The following DZIP1 variants were observed in gnomAD, a reference collection of about 807,000 sequenced individuals.
DZIP1 encodes cilium assembly protein DZIP1.
In DZIP1, 97 loss-of-function variants were observed where a neutral mutation model predicts 107.6. The ratio of observed to expected loss-of-function variants is 0.90; its 90% CI spans 0.77 to 1.07. The LOEUF is 1.07. DZIP1 is among the 50% of genes least tolerant of loss of function. The probability of loss-of-function intolerance (pLI) is 0.00; values close to 1 mark genes in which losing one functional copy is unlikely to be tolerated. For synonymous variants in DZIP1, 390 were observed against 386.4 expected (o/e 1.01, Z -0.11); for missense variants, 1,035 against 1,063.6 (o/e 0.97, Z 0.37).
chr13:95,602,070 C>T (rs960595179), intron 14 of DZIP1, among the ~76,000 whole-genome samples: 3 of 152,124 alleles, frequency 2.0e-5, no homozygotes, highest in African/African-American at 7.2e-5. Flanking sequence ...GCACACCCAG[C>T]CTCAGGAACA....
chr13:95,589,957 T>A, intron 17 of DZIP1, 25 bp from the exon 18 acceptor site: 2 of 1,610,188 alleles, frequency 1.2e-6, no homozygotes, highest in Non-Finnish European at 1.7e-6. Flanking sequence ...CATTCATGAG[T>A]CTCCATTACC....
chr13:95,609,274 T>G (rs1054062190), intron 13 of DZIP1, among the ~76,000 whole-genome samples, 183 bp downstream of exon 13: 1 of 152,378 alleles, frequency 6.6e-6, no homozygotes, highest in South Asian at 2.1e-4. Context: ...CAACATCATG[T>G]GGATATTTGT....
intron 13 of DZIP1, 84 bp downstream of exon 13, chr13:95,609,373 T>C: frequency 1.1e-6 from 1 of 903,378 alleles, no homozygotes; most frequent in Non-Finnish European, 1.6e-6. Flanking sequence ...AAGAAAAGCC[T>C]CTAAAAATAG....
intron 9 of DZIP1, among the ~76,000 whole-genome samples, chr13:95,621,626 GT>G (rs1300294385): frequency 6.6e-6 from 1 of 150,776 alleles, no homozygotes; most frequent in Non-Finnish European, 1.5e-5. Context: ...AAGTGATTAT[GT>G]TTGATAAATG....
chr13:95,633,282 G>T lies in DZIP1; in HGVS notation c.637C>A (p.Leu213Ile), dbSNP rs767550276. The T allele has an allele frequency of 6.2e-7, 1 of 1,614,180 alleles. No individual in the cohort carries two copies. The highest frequency in any genetic ancestry group is 2.2e-5 in the East Asian group (1 of 44,888). ...TGGCGGCGTTGAATGTGACTTTGTA[G>T]AAAAGCTTGGTTCATAAAGGCCTTG... is the stretch of plus-strand genomic sequence containing the variant. ...CDKAFMNQAF[L>I]QSHIQRRHTE... The change falls in exon 6 of 23, where the codon CTA becomes ATA. Residue 213 changes from leucine (L) to isoleucine (I), a missense_variant. Leu to Ile is a conservative substitution (Grantham distance 5, BLOSUM62 2). Coordinates refer to ENST00000376829, the MANE Select transcript of DZIP1 (RefSeq NM_198968.4).
At chr13:95,626,322 A>G (rs1876541677) in intron 7 of DZIP1, among the ~76,000 whole-genome samples, 1 of 152,194 alleles carries the variant, frequency 6.6e-6, no homozygotes. Flanking sequence ...AAGATCAACA[A>G]AACTGACAAA....
chr13:95,612,505 A>C (rs1414293863), intron 10 of DZIP1, among the ~76,000 whole-genome samples: 1 of 152,236 alleles, frequency 6.6e-6, no homozygotes, highest in Non-Finnish European at 1.5e-5. Context: ...TCTGACCCTT[A>C]GTACTAAATT....
Position 95,589,833 on chromosome 13 carries a change from GC to G in DZIP1, c.1942del (p.Ala648LeufsTer70), listed in dbSNP as rs868133012. The part of the protein sequence containing the change: ...SKNRQLIRQK[A>X]VSTDRTSVPK... ...AACAGATGTCCTATCAGTAGAAACA[GC>G]TTTTTGTCTAATCAGTTGTCTGTTT... On this transcript the variant is annotated frameshift_variant, in exon 18 of 23. Coordinates refer to ENST00000376829, the MANE Select transcript of DZIP1 (RefSeq NM_198968.4). LOFTEE classifies it high-confidence loss of function. 2 of 1,613,942 alleles carry G rather than the reference GC, an allele frequency of 1.2e-6. No homozygotes were observed. The highest frequency in any genetic ancestry group is 1.7e-6 in the Non-Finnish European group (2 of 1,180,006).
rs2044007473 is a variant in DZIP1, at chr13:95,581,270, A to G, written c.*964T>C. On this transcript the variant is annotated 3_prime_UTR_variant, in exon 23 of 23. Coordinates refer to ENST00000376829, the MANE Select transcript of DZIP1 (RefSeq NM_198968.4). Reference sequence around the variant, plus strand: ...AGCTTATAAGAACTTTCTTTCGACAATGTCATTGTTTAAGAATGTAACTAA... The same window carrying G: ...AGCTTATAAGAACTTTCTTTCGACAGTGTCATTGTTTAAGAATGTAACTAA... 1 of 152,640 alleles carries G rather than the reference A, an allele frequency of 6.6e-6. No homozygotes were observed. Among genetic ancestry groups the G allele is most frequent in the Admixed American group, 6.5e-5 (1 of 15,284 alleles). The allele number at this position is 152,640 out of a possible 1,614,324, so 9.5% of individuals were successfully genotyped here. A position where few individuals can be genotyped will look rare whatever the true frequency, so the allele number is the denominator to read the frequency against.
intron 10 of DZIP1, among the ~76,000 whole-genome samples, chr13:95,619,672 A>G (rs1387563846): frequency 6.6e-6 from 1 of 152,074 alleles, no homozygotes; most frequent in East Asian, 1.9e-4. Context: ...GAGACCCATT[A>G]AAAAAGTTTC....
intron 18 of DZIP1, 49 bp downstream of exon 18, chr13:95,589,754 G>C (rs372098895): frequency 2.5e-6 from 4 of 1,584,804 alleles, no homozygotes; most frequent in Non-Finnish European, 3.4e-6. Flanking sequence ...AAAGCAGCCT[G>C]AGCTAAGACA....
intron 6 of DZIP1, among the ~76,000 whole-genome samples, chr13:95,632,073 T>C (rs927514590): frequency 3.3e-5 from 5 of 152,214 alleles, no homozygotes; most frequent in African/African-American, 1.2e-4. Context: ...CTAGAGACTA[T>C]TCCTCACTCT....
chr13:95,600,038 A>G (rs2044567056), intron 14 of DZIP1, among the ~76,000 whole-genome samples: 1 of 152,148 alleles, frequency 6.6e-6, no homozygotes, highest in African/African-American at 2.4e-5. Flanking sequence ...ACTCTTCCCA[A>G]TCTCACCCCA....
intron 15 of DZIP1, among the ~76,000 whole-genome samples, chr13:95,598,652 A>AATT (rs951938736): frequency 1.3e-5 from 2 of 152,046 alleles, no homozygotes; most frequent in Non-Finnish European, 2.9e-5. Flanking sequence ...ATATATGGTG[A>AATT]ATTATTATTA....
At position 95,589,941 on chromosome 13, in the gene DZIP1, T is replaced by C. The variant is rs183892078; in HGVS notation, c.1844-9A>G. ...AGAAACACTGCACTGATCTGGAATA[T>C]AGTGTCATTCATGAGTCTCCATTAC... On this transcript the variant is annotated splice_polypyrimidine_tract_variant and intron_variant, in intron 17 of 22. Coordinates refer to ENST00000376829, the MANE Select transcript of DZIP1 (RefSeq NM_198968.4). The C allele has an allele frequency of 6.1e-5, 98 of 1,612,336 alleles. No individual in the cohort carries two copies. In the African/African-American group the frequency reaches 1.2e-3, roughly 19 times the overall value.
At chr13:95,591,828 T>C (rs1226317737) in intron 16 of DZIP1, among the ~76,000 whole-genome samples, 1 of 152,224 alleles carries the variant, frequency 6.6e-6, no homozygotes, top group Admixed American at 6.5e-5. Flanking sequence ...ACAAGGGTTA[T>C]TCTGGAAGTT....
At chr13:95,595,687 G>A (rs948832327) in intron 15 of DZIP1, among the ~76,000 whole-genome samples, 3 of 152,078 alleles carry the variant, frequency 2.0e-5, no homozygotes, top group Non-Finnish European at 4.4e-5. Flanking sequence ...AGAGAGCCTG[G>A]AAGTCTTGGT....
rs1242196703 is a variant in DZIP1, at chr13:95,582,226, A to G, written c.*8T>C. Reference sequence around the variant, plus strand: ...CTGGCTTCTGGAATAATCTTCTGACATGTGGAATTAGACATCTGAAGTGTC... The same window carrying G: ...CTGGCTTCTGGAATAATCTTCTGACGTGTGGAATTAGACATCTGAAGTGTC... On this transcript the variant is annotated 3_prime_UTR_variant, in exon 23 of 23. Coordinates refer to ENST00000376829, the MANE Select transcript of DZIP1 (RefSeq NM_198968.4). The G allele has an allele frequency of 6.8e-6, 11 of 1,613,272 alleles. No individual in the cohort carries two copies. Among genetic ancestry groups the G allele is most frequent in the African/African-American group, 1.3e-5 (1 of 75,030 alleles).
At chr13:95,584,626 G>C in intron 22 of DZIP1, 110 bp downstream of exon 22, 1 of 1,472,704 alleles carries the variant, frequency 6.8e-7, no homozygotes, top group Non-Finnish European at 9.0e-7. Flanking sequence ...AGCACTGACA[G>C]CTTTTTTGTC....
Sources: allele counts gnomAD v4.1 joint callset (sites outside exome capture counted in the v4.1 genomes callset), GRCh38; gene constraint gnomAD v4.1.1; transcripts MANE v1.5; gene names NCBI Gene and HGNC (gene_info 2026-07-23, HGNC 2026-07-21).